Variants in TSC2 observed in about 807,000 individuals in gnomAD.
TSC2 encodes tuberin.
TSC2 carries 29 observed loss-of-function variants against 202.2 expected under a neutral mutation model. The ratio of observed to expected loss-of-function variants is 0.14; its 90% confidence interval spans 0.11 to 0.20. The LOEUF (loss-of-function observed/expected upper bound fraction) is 0.20. Among genes scored for constraint, TSC2 ranks in the 10% least tolerant of loss-of-function variants. The pLI is 1.00. For synonymous variants in TSC2, 1,349 were observed against 1,044.0 expected (o/e 1.29, Z -5.63); for missense variants, 2,429 against 2,420.0 (o/e 1.00, Z -0.08).
rs1060500958 is a variant in TSC2, at chr16:2,081,757, C to T, written c.3773C>T (p.Ala1258Val). 6.2e-7 allele frequency: 1 copy of T among 1,612,776 alleles called. No individual in the cohort carries two copies. Among genetic ancestry groups the T allele is most frequent in the East Asian group, 2.2e-5 (1 of 44,888 alleles). Residue 1258 changes from alanine (A) to valine (V), a missense_variant, in exon 31 of 42, where the codon GCC becomes GTC. By Grantham distance (64) the Ala-to-Val change is moderately conservative. Coordinates refer to ENST00000219476, the MANE Select transcript of TSC2 (RefSeq NM_000548.5). ...ALYKSLSVPAASTAKPPPLPR... is the reference protein window; with the variant it reads ...ALYKSLSVPAVSTAKPPPLPR... ...TACAAGTCACTGTCGGTGCCGGCAG[C>T]CAGCACGGCCAAACCCCCTCCTCTG...
chr16:2,085,682 G>A (rs2090686050), intron 36 of TSC2, among the ~76,000 whole-genome samples: 1 of 152,210 alleles, frequency 6.6e-6, no homozygotes, highest in Non-Finnish European at 1.5e-5. Flanking sequence ...CCAGCAGCGG[G>A]GGCCGGGCGC....
At position 2,088,730 on chromosome 16, in the gene TSC2, T is replaced by TTGAC. The variant is rs1447448818; in HGVS notation, c.*122_*125dup. The stretch of plus-strand genomic sequence containing the variant: ...AGATTGCAGTCAGACAGCTCTTTTA[T>TTGAC]TGACTTTGTCTGCTTGGTGCGGGGG... On this transcript the variant is annotated 3_prime_UTR_variant, in exon 42 of 42. Coordinates refer to ENST00000219476, the MANE Select transcript of TSC2 (RefSeq NM_000548.5). 1.2e-5 allele frequency: 16 copies of TTGAC among 1,375,350 alleles called. No homozygotes were observed. The South Asian group carries it at 1.7e-4, about 15-fold the overall frequency. The allele number at this position is 1,375,350 out of a possible 1,614,324, so 85.2% of individuals were successfully genotyped here.
chr16:2,057,101 G>A lies in TSC2; in HGVS notation c.775-4G>A, dbSNP rs754957491. ...CAGCCCCTGACACGCATTGTGTCTC[G>A]CAGCTGATGCGGAACCTCCTTGGCA... On this transcript the variant is annotated splice_polypyrimidine_tract_variant and splice_region_variant and intron_variant, in intron 8 of 41. Coordinates refer to ENST00000219476, the MANE Select transcript of TSC2 (RefSeq NM_000548.5). 2.8e-5 allele frequency: 43 copies of A among 1,551,148 alleles called. No individual in the cohort carries two copies. The highest frequency in any genetic ancestry group is 2.7e-4 in the Admixed American group (14 of 50,986).
intron 17 of TSC2, among the ~76,000 whole-genome samples, 161 bp downstream of exon 17, chr16:2,070,739 G>T (rs935964093): frequency 2.0e-5 from 3 of 152,206 alleles, no homozygotes; most frequent in African/African-American, 7.2e-5. Context: ...CCCCAGTCCT[G>T]GTGTCCTTCC....
intron 4 of TSC2, chr16:2,053,895 T>G: frequency 4.4e-6 from 2 of 452,452 alleles, no homozygotes; most frequent in South Asian, 3.5e-5. Context: ...CTTCTACTCC[T>G]TCATGTCCCA....
intron 15 of TSC2, 169 bp downstream of exon 15, chr16:2,064,596 C>T (rs534273456): frequency 1.0e-6 from 1 of 988,272 alleles, no homozygotes; most frequent in Admixed American, 2.2e-5. Flanking sequence ...GGGCCTGCCA[C>T]TGCTGGATTT....
chr16:2,060,498 A>T (rs74835520), intron 10 of TSC2, among the ~76,000 whole-genome samples, 172 bp from the exon 11 acceptor site: 1 of 152,122 alleles, frequency 6.6e-6, no homozygotes, highest in African/African-American at 2.4e-5. Flanking sequence ...GTGCTGGAGC[A>T]TGTAGAAACC....
At position 2,065,683 on chromosome 16, in the gene TSC2, C is replaced by G. The variant is rs200355157; in HGVS notation, c.1716+48C>G. The G allele has an allele frequency of 8.0e-5, 119 of 1,494,202 alleles. No individual in the cohort carries two copies. In the African/African-American group the frequency reaches 1.3e-3, roughly 16 times the overall value. 92.6% of individuals were successfully genotyped at this position (1,494,202 alleles called of 1,614,324 possible). On this transcript the variant is annotated intron_variant, in intron 16 of 41. Coordinates refer to ENST00000219476, the MANE Select transcript of TSC2 (RefSeq NM_000548.5). ...CTGCTCCCGGGGCGCGCATGGCTAG[C>G]GTCCACCAGCTGCATCTGCGTTGTG...
chr16:2,079,282 T>C lies in TSC2; in HGVS notation c.3138T>C (p.Pro1046=), dbSNP rs137854158. ...SNFTAVPKRS[P]VGEFLLAGGR... is the part of the protein sequence containing the mutation. ...CACGCTCCCTGTCTTCTAGGTCTCC[T>C]GTGGGCGAGTTCCTCCTAGCGGGTG... Residue 1046 remains proline (P), a synonymous_variant, in exon 28 of 42, where the codon CCT becomes CCC. Transcript: ENST00000219476. This position sits in a 1 kb window ranked among gnomAD's most constrained non-coding sequence, Gnocchi z 4.6. 6.2e-7 allele frequency: 1 copy of C among 1,612,980 alleles called. No individual in the cohort carries two copies. The highest frequency in any genetic ancestry group is 2.2e-5 in the East Asian group (1 of 44,882).
chr16:2,080,550 C>T (rs1470021756), intron 30 of TSC2, 173 bp downstream of exon 30: 3 of 722,822 alleles, frequency 4.2e-6, no homozygotes, highest in Admixed American at 5.6e-5. Flanking sequence ...GTGGCGCAAT[C>T]TCGGCTCACT....
chr16:2,074,943 C>T (rs150917220), intron 22 of TSC2: 5 of 177,112 alleles, frequency 2.8e-5, no homozygotes, highest in South Asian at 2.5e-4. Context: ...TGGCCAGGCG[C>T]GGTGGCTCAG....
intron 26 of TSC2, chr16:2,078,283 C>G (rs1397193612): frequency 1.2e-5 from 2 of 164,960 alleles, no homozygotes; most frequent in African/African-American, 4.8e-5. Flanking sequence ...CTCGGGCTCT[C>G]GGCTGTCACC....
chr16:2,076,603 G>A lies in TSC2; in HGVS notation c.2837+18G>A. The A allele has an allele frequency of 1.2e-6, 2 of 1,612,422 alleles. No individual in the cohort carries two copies. The highest frequency in any genetic ancestry group is 4.5e-5 in the East Asian group (2 of 44,868). On this transcript the variant is annotated intron_variant, in intron 25 of 41. Coordinates refer to ENST00000219476, the MANE Select transcript of TSC2 (RefSeq NM_000548.5). ...CCCAAGAGGTACGGCCTGCGGGGGT[G>A]TGCCTGGAGTCGGTGTGGGGTGGGG...
chr16:2,048,854 T>C (rs535815935), intron 2 of TSC2, 101 bp downstream of exon 2: 9 of 1,526,528 alleles, frequency 5.9e-6, no homozygotes, highest in Non-Finnish European at 8.2e-6. Context: ...TGCTGGCAAC[T>C]GTCTACACAG....
chr16:2,054,526 C>T, intron 5 of TSC2, 86 bp downstream of exon 5: 1 of 1,592,378 alleles, frequency 6.3e-7, no homozygotes, highest in Non-Finnish European at 8.6e-7. Flanking sequence ...TGGGGAGGGG[C>T]TGCCGTTCTC....
chr16:2,062,767 C>T (rs1048995715), intron 13 of TSC2, 167 bp downstream of exon 13: 38 of 908,852 alleles, frequency 4.2e-5, no homozygotes, highest in South Asian at 3.1e-4. Context: ...TCCAGTCCAG[C>T]AGGACAGGTC....
At chr16:2,077,379 A>G in intron 25 of TSC2, 1 of 655,848 alleles carries the variant, frequency 1.5e-6, no homozygotes, top group East Asian at 2.6e-5. Flanking sequence ...ACTTGTTCTC[A>G]GTCATGTTTA....
chr16:2,065,726 G>A, intron 16 of TSC2, 91 bp downstream of exon 16: 1 of 1,178,486 alleles, frequency 8.5e-7, no homozygotes, highest in Non-Finnish European at 1.3e-6. Context: ...CTGTTCCCCA[G>A]CGGGACCCAC....
chr16:2,053,680 T>C (rs2085408070), intron 4 of TSC2: 1 of 664,086 alleles, frequency 1.5e-6, no homozygotes, highest in Non-Finnish European at 2.8e-6. Flanking sequence ...TGCACCTTCC[T>C]CTTATGGGAT....
Sources: gnomAD v4.1 joint callset for allele counts (sites outside exome capture counted in the v4.1 genomes callset) on GRCh38, gnomAD v4.1.1 for gene constraint, Gnocchi (gnomAD v3.1) non-coding constraint, MANE v1.5 for transcripts, NCBI Gene and HGNC (gene_info 2026-07-23, HGNC 2026-07-21) for gene names.